MEIOB: variants seen among roughly 807,000 people sequenced by gnomAD.
The protein encoded by MEIOB is meiosis-specific with OB domain-containing protein.
Under a neutral mutation model 53.1 loss-of-function variants are expected in MEIOB, and 50 were observed. The ratio of observed to expected loss-of-function variants is 0.94; its 90% CI spans 0.75 to 1.19. MEIOB has a LOEUF of 1.19. Ranked by LOEUF, MEIOB falls within the 50% of genes most tolerant of loss-of-function variation. The pLI is 0.00. For synonymous variants in MEIOB, 192 were observed against 182.5 expected, an observed-to-expected ratio of 1.05 and a Z score of -0.42; for missense variants, 551 against 550.8, an observed-to-expected ratio of 1.00 and a Z score of 0.00.
intron 5 of MEIOB, 122 bp from the exon 6 acceptor site, chr16:1,858,052 A>C (rs955530738): frequency 2.2e-5 from 14 of 626,946 alleles, no homozygotes; most frequent in African/African-American, 2.0e-4. Context: ...TATACTTTTT[A>C]CTCTTAGAAA....
At chr16:1,868,072 A>G in intron 2 of MEIOB, 35 bp downstream of exon 2, 2 of 1,118,810 alleles carry the variant, frequency 1.8e-6, no homozygotes, top group Non-Finnish European at 2.6e-6. Context: ...ATAAAATGTC[A>G]TCAGTAAGCA....
rs998640056 is a variant in MEIOB at position 1,834,328 on chromosome 16, A to G, written c.1344T>C (p.Ile448=). Residue 448 remains isoleucine, a synonymous_variant, in exon 14 of 14, where the codon ATT becomes ATC. Coordinates refer to ENST00000325962, the MANE Select transcript of MEIOB (RefSeq NM_001163560.3). ...CTGCAAGCTTGCACGAGAGTACACT[A>G]ATTTTCAATCCACTCCTTGCTCTGT... The part of the protein sequence containing the change: ...LSHRARSGLK[I]SVLSCKLADP... The G allele has an allele frequency of 5.6e-6, 9 of 1,612,668 alleles. No homozygotes were observed. Among genetic ancestry groups the G allele is most frequent in the African/African-American group, 5.3e-5 (4 of 74,914 alleles).
intron 1 of MEIOB, among the ~76,000 whole-genome samples, chr16:1,871,409 C>T (rs1899741808): frequency 8.8e-6 from 1 of 114,040 alleles, no homozygotes; most frequent in Non-Finnish European, 1.9e-5. Flanking sequence ...TTAGTAGAGA[C>T]GGGGTTTCAC....
At chr16:1,863,223 A>G (rs1899492357) in intron 3 of MEIOB, among the ~76,000 whole-genome samples, 2 of 151,994 alleles carry the variant, frequency 1.3e-5, no homozygotes, top group Admixed American at 6.6e-5. Flanking sequence ...TGTTCATGAA[A>G]TGTACACCCA....
At chr16:1,859,467 G>A (rs1300832606) in intron 5 of MEIOB, among the ~76,000 whole-genome samples, 2 of 152,188 alleles carry the variant, frequency 1.3e-5, no homozygotes, top group Non-Finnish European at 2.9e-5. Context: ...TTTGAACCCA[G>A]GAGTTAGAGG....
intron 7 of MEIOB, among the ~76,000 whole-genome samples, chr16:1,853,679 G>A (rs1031549089): frequency 6.6e-6 from 1 of 152,166 alleles, no homozygotes; most frequent in African/African-American, 2.4e-5. Flanking sequence ...TGGTACCCAG[G>A]CATCAGAGGT....
chr16:1,850,268 C>A (rs1899132450), intron 9 of MEIOB, among the ~76,000 whole-genome samples: 1 of 152,074 alleles, frequency 6.6e-6, no homozygotes, highest in Non-Finnish European at 1.5e-5. Flanking sequence ...ATTTTACTAT[C>A]ACTGGTATTA....
chr16:1,860,584 T>A, intron 4 of MEIOB, 109 bp from the exon 5 acceptor site: 1 of 652,602 alleles, frequency 1.5e-6, no homozygotes, highest in Non-Finnish European at 2.6e-6. Context: ...CTCTAGGCTT[T>A]AAAAATTCCT....
At chr16:1,847,903 C>A (rs1031336124) in intron 9 of MEIOB, among the ~76,000 whole-genome samples, 1 of 152,092 alleles carries the variant, frequency 6.6e-6, no homozygotes, top group African/African-American at 2.4e-5. Context: ...ATAATGCCAA[C>A]ATTTTAAAAA....
At chr16:1,866,363 TCTC>T (rs1168172290) in intron 2 of MEIOB, among the ~76,000 whole-genome samples, 2 of 152,196 alleles carry the variant, frequency 1.3e-5, no homozygotes, top group Non-Finnish European at 2.9e-5. Context: ...GATATTAACA[TCTC>T]CTCAAAATGT....
At chr16:1,859,965 G>A (rs1333205823) in intron 5 of MEIOB, among the ~76,000 whole-genome samples, 1 of 152,268 alleles carries the variant, frequency 6.6e-6, no homozygotes, top group African/African-American at 2.4e-5. Flanking sequence ...CTGCTTCCTG[G>A]TCTATCCTCG....
At chr16:1,867,462 ATTTTTTTTTTTT>A (rs869208139) in intron 2 of MEIOB, among the ~76,000 whole-genome samples, 20 of 102,946 alleles carry the variant, frequency 1.9e-4, no homozygotes, top group African/African-American at 5.8e-4. Context: ...AAATGGTTTA[ATTTTTTTTTTTT>A]TTTTTTTTTT....
intron 6 of MEIOB, among the ~76,000 whole-genome samples, chr16:1,856,344 G>C (rs1899303336): frequency 6.7e-6 from 1 of 149,598 alleles, no homozygotes; most frequent in African/African-American, 2.5e-5. Flanking sequence ...TTTTGAGTCG[G>C]AGTCTCGCTC....
chr16:1,860,016 A>C (rs1010191309), intron 5 of MEIOB, among the ~76,000 whole-genome samples: 1 of 152,168 alleles, frequency 6.6e-6, no homozygotes, highest in South Asian at 2.1e-4. Context: ...AACCACTCCC[A>C]CAAGAGTCCT....
intron 6 of MEIOB, among the ~76,000 whole-genome samples, chr16:1,857,454 G>C (rs1163404211): frequency 6.6e-6 from 1 of 152,186 alleles, no homozygotes; most frequent in Non-Finnish European, 1.5e-5. Flanking sequence ...CTTTGTTTAA[G>C]CAATGTATAA....
intron 9 of MEIOB, among the ~76,000 whole-genome samples, chr16:1,850,790 G>T (rs1003292066): frequency 2.0e-5 from 3 of 149,482 alleles, no homozygotes; most frequent in African/African-American, 7.4e-5. Flanking sequence ...GCATGGTGGC[G>T]GGCGCCTGTA....
chr16:1,841,854 C>CA lies in MEIOB; in HGVS notation c.999dup (p.Asp334Ter), dbSNP rs1175804751. 1 of 1,596,766 alleles carries CA rather than the reference C, an allele frequency of 6.3e-7. No individual in the cohort carries two copies. On this transcript the variant is annotated frameshift_variant, in exon 11 of 14. Transcript: ENST00000325962. LOFTEE classifies it high-confidence loss of function. ...CGAACTACTTTTGTAGTTTCATCAT[C>CA]AATGTTGAGTGTGGAAATGTAGGCA...
intron 5 of MEIOB, 44 bp from the exon 6 acceptor site, chr16:1,857,974 G>A: frequency 1.6e-6 from 2 of 1,289,608 alleles, no homozygotes; most frequent in South Asian, 1.5e-5. Flanking sequence ...AGTGATCTTT[G>A]GAAAGAAAAA....
intron 6 of MEIOB, among the ~76,000 whole-genome samples, chr16:1,856,925 G>A (rs2575362): frequency 0.022 from 3,314 of 149,258 alleles, 117 homozygotes; most frequent in East Asian, 0.11. Context: ...CACCACATCC[G>A]GCTAATTTTT....
Sources: gnomAD v4.1 joint callset for allele counts (sites outside exome capture counted in the v4.1 genomes callset) on GRCh38, gnomAD v4.1.1 for gene constraint, MANE v1.5 for transcripts, NCBI Gene and HGNC (gene_info 2026-07-23, HGNC 2026-07-21) for gene names.